The following ENOX1 variants were observed in gnomAD, a reference collection of about 807,000 sequenced individuals.
ENOX1 encodes candidate growth-related and time keeping constitutive hydroquinone (NADH) oxidase.
ENOX1 carries 42 observed loss-of-function variants against 82.5 expected under a neutral mutation model. The ratio of observed to expected loss-of-function variants is 0.51; its 90% CI spans 0.40 to 0.66. The LOEUF (loss-of-function observed/expected upper bound fraction) is 0.66, where lower values mean the gene tolerates loss of function less well. Among genes scored for constraint, ENOX1 ranks in the 30% least tolerant of loss-of-function variants. ENOX1 has a pLI of 0.00. For synonymous variants in ENOX1, 271 were observed against 282.2 expected, an observed-to-expected ratio of 0.96 and a Z score of 0.40; for missense variants, 608 against 811.6, an observed-to-expected ratio of 0.75 and a Z score of 3.05.
chr13:43,226,859 A>G lies in ENOX1; in HGVS notation c.1715-2721T>C, dbSNP rs148810503. Among the ~76,000 whole-genome samples the G allele has an allele frequency of 7.3e-3, 1,113 of 152,342 alleles. 14 individuals carry two copies. Among genetic ancestry groups the G allele is most frequent in the Non-Finnish European group, 0.011 (718 of 68,026 alleles). ...GACATCTGCTTACGCAGCAGGGCTG[A>G]GACAGGGAGTGGCAGCAGCACTGCA... is the stretch of plus-strand genomic sequence containing the variant. On this transcript the variant is annotated intron_variant, in intron 15 of 16. Transcript: ENST00000690772.
At chr13:43,369,477 C>T (rs895622690) in intron 5 of ENOX1, among the ~76,000 whole-genome samples, 16 of 152,196 alleles carry the variant, frequency 1.1e-4, no homozygotes, top group South Asian at 4.1e-4. Context: ...TTGTGACAGG[C>T]CTGTGCTGAA....
chr13:43,508,543 AATAAGT>A (rs148283914), intron 2 of ENOX1, among the ~76,000 whole-genome samples: 2,078 of 152,128 alleles, frequency 0.014, 42 homozygotes, highest in African/African-American at 0.046. Flanking sequence ...GAAATGAAAG[AATAAGT>A]ATATTATTCA....
intron 3 of ENOX1, among the ~76,000 whole-genome samples, chr13:43,472,165 A>G (rs1485880228): frequency 6.6e-6 from 1 of 152,126 alleles, no homozygotes; most frequent in African/African-American, 2.4e-5. Context: ...AAAGGACTAT[A>G]CTTGCCAATA....
intron 2 of ENOX1, among the ~76,000 whole-genome samples, chr13:43,664,633 G>A (rs531381874): frequency 1.0e-3 from 153 of 152,278 alleles, no homozygotes; most frequent in South Asian, 1.9e-3. Flanking sequence ...CTATAGACAT[G>A]CCCACAAGCC....
In ENOX1 at chr13:43,715,956, G is replaced by A. The variant is rs72486099; in HGVS notation, c.-284-48412C>T. 5.7e-4 allele frequency among the ~76,000 whole-genome samples: 87 copies of A among 152,244 alleles called. 1 individual carries two copies. Among genetic ancestry groups the A allele is most frequent in the Admixed American group, 2.1e-3 (32 of 15,286 alleles). ...CATTGGTTTTTCTAGGTAACCATTC[G>A]TCTAATTTTTTCTCAAAGTTTTTAA... On this transcript the variant is annotated intron_variant, in intron 1 of 16. Transcript: ENST00000690772.
At chr13:43,645,307 GC>G (rs2083843372) in intron 2 of ENOX1, among the ~76,000 whole-genome samples, 1 of 152,034 alleles carries the variant, frequency 6.6e-6, no homozygotes, top group African/African-American at 2.4e-5. Flanking sequence ...AACTACAGGT[GC>G]ATGCCACGAT....
intron 12 of ENOX1, among the ~76,000 whole-genome samples, chr13:43,279,297 T>C (rs771814148): frequency 6.6e-6 from 1 of 152,198 alleles, no homozygotes. Flanking sequence ...TGAAGCTGCA[T>C]GTCGGCATTT....
intron 1 of ENOX1, among the ~76,000 whole-genome samples, chr13:43,753,903 T>C (rs1442384061): frequency 6.8e-6 from 1 of 146,362 alleles, no homozygotes; most frequent in South Asian, 2.2e-4. Flanking sequence ...TTTTTCCTTA[T>C]CCAATTACGA....
chr13:43,269,660 T>C (rs1423408402), intron 12 of ENOX1, 83 bp from the exon 13 acceptor site: 3 of 1,072,840 alleles, frequency 2.8e-6, no homozygotes, highest in African/African-American at 1.6e-5. Context: ...TTCAAAATTA[T>C]GAGTAGAAGA....
intron 16 of ENOX1, among the ~76,000 whole-genome samples, chr13:43,217,498 G>A (rs761541407): frequency 3.3e-5 from 5 of 152,094 alleles, no homozygotes; most frequent in African/African-American, 1.2e-4. Flanking sequence ...GGCTTGCAGC[G>A]GGACAGAGGT....
At chr13:43,660,239 T>C (rs1205905357) in intron 2 of ENOX1, among the ~76,000 whole-genome samples, 1 of 152,188 alleles carries the variant, frequency 6.6e-6, no homozygotes. Context: ...ATATCCCAAA[T>C]CCCAAAGTGC....
intron 2 of ENOX1, among the ~76,000 whole-genome samples, chr13:43,603,280 TA>T (rs2081811587): frequency 2.0e-5 from 3 of 152,068 alleles, no homozygotes; most frequent in South Asian, 4.1e-4. Context: ...TCATGCTTTT[TA>T]TTTTGCAAAA....
intron 1 of ENOX1, among the ~76,000 whole-genome samples, chr13:43,672,497 T>C (rs2085315957): frequency 6.6e-6 from 1 of 152,208 alleles, no homozygotes; most frequent in Admixed American, 6.5e-5. Context: ...TCATGTACAA[T>C]TTATATGAAA....
chr13:43,493,595 C>T (rs758639182), intron 2 of ENOX1, among the ~76,000 whole-genome samples: 3 of 152,200 alleles, frequency 2.0e-5, no homozygotes, highest in Non-Finnish European at 2.9e-5. Flanking sequence ...ATAGTAACCA[C>T]CCACATTGAA....
intron 1 of ENOX1, among the ~76,000 whole-genome samples, chr13:43,697,534 T>A (rs2086700720): frequency 6.6e-6 from 1 of 152,156 alleles, no homozygotes; most frequent in Non-Finnish European, 1.5e-5. Context: ...AAGTTTAATC[T>A]AGAAAGTCAG....
At chr13:43,436,726 C>G (rs2056053852) in intron 3 of ENOX1, among the ~76,000 whole-genome samples, 1 of 151,974 alleles carries the variant, frequency 6.6e-6, no homozygotes, top group African/African-American at 2.4e-5. Flanking sequence ...TAATTCTAAT[C>G]AGATCCACAT....
chr13:43,262,437 TG>T (rs1211574714), intron 14 of ENOX1, among the ~76,000 whole-genome samples: 1 of 152,216 alleles, frequency 6.6e-6, no homozygotes, highest in Non-Finnish European at 1.5e-5. Flanking sequence ...ATAATTTATT[TG>T]TCTCAGACAA....
chr13:43,589,622 G>A (rs7333998), intron 2 of ENOX1, among the ~76,000 whole-genome samples: 142,863 of 152,206 alleles, frequency 0.94, 67,637 homozygotes, highest in South Asian at 1. Flanking sequence ...CTCCCACCTC[G>A]ACCTCCAAGT....
chr13:43,540,811 C>T (rs2078672912), intron 2 of ENOX1, among the ~76,000 whole-genome samples: 2 of 152,070 alleles, frequency 1.3e-5, no homozygotes, highest in African/African-American at 4.8e-5. Context: ...GGTAACCATT[C>T]AGTCTTCTAA....
Sources: gnomAD v4.1 joint callset for allele counts (sites outside exome capture counted in the v4.1 genomes callset) on GRCh38, gnomAD v4.1.1 for gene constraint, MANE v1.5 for transcripts, NCBI Gene and HGNC (gene_info 2026-07-23, HGNC 2026-07-21) for gene names.